Variants in ATP10D observed in about 807,000 individuals in gnomAD.
ATP10D encodes phospholipid-transporting ATPase VD.
In ATP10D, 89 loss-of-function variants were observed where a neutral mutation model predicts 144.8. The ratio of observed to expected loss-of-function variants is 0.61; its 90% CI spans 0.52 to 0.73. The LOEUF is 0.73. ATP10D is among the 30% of genes least tolerant of loss of function. ATP10D has a pLI of 0.00. For synonymous variants in ATP10D, 571 were observed against 615.1 expected, an observed-to-expected ratio of 0.93 and a Z score of 1.06; for missense variants, 1,603 against 1,714.8, an observed-to-expected ratio of 0.93 and a Z score of 1.15.
chr4:47,487,231 C>CAAAA lies in ATP10D; in HGVS notation c.-38+1728_-38+1731dup, dbSNP rs1478374325. Among the ~76,000 whole-genome samples, 596 of 128,366 alleles carry CAAAA rather than the reference C, an allele frequency of 4.6e-3. 11 individuals are homozygous for CAAAA. The highest frequency in any genetic ancestry group is 0.012 in the African/African-American group (411 of 34,442). The allele number at this position is 128,366 out of a possible 152,430, so 84.2% of individuals were successfully genotyped here. On this transcript the variant is annotated intron_variant, in intron 1 of 22. Transcript: ENST00000273859. ...GCAACAAGAGCAAAACTCCGTCCCC[C>CAAAA]AAAAAAAAAAAAAAAAAAATAGAAT... is the stretch of plus-strand genomic sequence containing the variant.
At chr4:47,580,089 A>C (rs146565132) in intron 19 of ATP10D, among the ~76,000 whole-genome samples, 2,483 of 152,308 alleles carry the variant, frequency 0.016, 46 homozygotes, top group Middle Eastern at 0.061. Context: ...AGAAGTTTTG[A>C]AACAGTACTT....
chr4:47,492,389 G>A (rs1441668783), intron 1 of ATP10D, among the ~76,000 whole-genome samples: 2 of 152,164 alleles, frequency 1.3e-5, no homozygotes, highest in African/African-American at 2.4e-5. Flanking sequence ...TAAATGTAGT[G>A]TGATGTGTAG....
rs113487041 is a variant in ATP10D, at chr4:47,546,882, T to C, written c.1635+20T>C. Reference sequence around the variant, plus strand: ...CCCATTGTAAGTATGAATGCATGACTAGAGTCTTGCACATCCACAATGTAT... The same window carrying C: ...CCCATTGTAAGTATGAATGCATGACCAGAGTCTTGCACATCCACAATGTAT... On this transcript the variant is annotated intron_variant, in intron 10 of 22. Coordinates refer to ENST00000273859, the MANE Select transcript of ATP10D (RefSeq NM_020453.4). The C allele has an allele frequency of 1.3e-6, 2 of 1,592,692 alleles. No homozygotes were observed. The highest frequency in any genetic ancestry group is 3.3e-5 in the Admixed American group (2 of 59,940).
At chr4:47,577,272 C>T (rs1720288023) in intron 19 of ATP10D, among the ~76,000 whole-genome samples, 1 of 152,128 alleles carries the variant, frequency 6.6e-6, no homozygotes, top group African/African-American at 2.4e-5. Flanking sequence ...CTTAACATCC[C>T]CCGTCTGATT....
chr4:47,590,691 C>T (rs1720986660), intron 22 of ATP10D, among the ~76,000 whole-genome samples: 1 of 152,054 alleles, frequency 6.6e-6, no homozygotes, highest in Admixed American at 6.6e-5. Context: ...ATTTTTAACA[C>T]CTACTATGTG....
At chr4:47,573,477 G>C (rs1720071387) in intron 18 of ATP10D, among the ~76,000 whole-genome samples, 1 of 152,196 alleles carries the variant, frequency 6.6e-6, no homozygotes, top group Non-Finnish European at 1.5e-5. Flanking sequence ...GTTGCTCACA[G>C]ATGCAAGAAT....
chr4:47,563,936 A>G (rs890864179), intron 15 of ATP10D, among the ~76,000 whole-genome samples, 171 bp downstream of exon 15: 1 of 152,116 alleles, frequency 6.6e-6, no homozygotes, highest in Admixed American at 6.6e-5. Flanking sequence ...TCTGTCACCC[A>G]GGCTGGAGTG....
At chr4:47,494,809 A>G (rs931122565) in intron 1 of ATP10D, among the ~76,000 whole-genome samples, 1 of 152,220 alleles carries the variant, frequency 6.6e-6, no homozygotes, top group Non-Finnish European at 1.5e-5. Context: ...CAAAAACTCT[A>G]TATGCCCTAC....
In ATP10D at chr4:47,592,613, C is replaced by T. The variant is rs895880402; in HGVS notation, c.*1232C>T. On this transcript the variant is annotated 3_prime_UTR_variant, in exon 23 of 23. Coordinates refer to ENST00000273859, the MANE Select transcript of ATP10D (RefSeq NM_020453.4). ...ATTATATTTGAAAGTTGTCAGCCAC[C>T]AGTCATCCAGAATTTCCTTCCTGAA... is the stretch of plus-strand genomic sequence containing the variant. 1.3e-5 allele frequency: 2 copies of T among 152,470 alleles called. No individual in the cohort carries two copies. The highest frequency in any genetic ancestry group is 4.8e-5 in the African/African-American group (2 of 41,404). The allele number at this position is 152,470 out of a possible 1,614,324, so 9.4% of individuals were successfully genotyped here.
At chr4:47,513,579 A>T (rs1192393742) in intron 2 of ATP10D, among the ~76,000 whole-genome samples, 3 of 152,200 alleles carry the variant, frequency 2.0e-5, no homozygotes. Flanking sequence ...TGAGCAAAGC[A>T]TATTTCAGAT....
intron 1 of ATP10D, among the ~76,000 whole-genome samples, chr4:47,501,776 TA>T (rs776939788): frequency 6.6e-6 from 1 of 152,242 alleles, no homozygotes. Flanking sequence ...AATGCATTTT[TA>T]TCCTTTGCAT....
intron 1 of ATP10D, among the ~76,000 whole-genome samples, chr4:47,497,947 T>G (rs1297974090): frequency 6.6e-6 from 1 of 152,238 alleles, no homozygotes; most frequent in Non-Finnish European, 1.5e-5. Context: ...TTTCCTACTT[T>G]GAAGAAATGT....
intron 2 of ATP10D, among the ~76,000 whole-genome samples, chr4:47,513,262 G>A (rs1451190904): frequency 6.6e-6 from 1 of 152,154 alleles, no homozygotes; most frequent in Non-Finnish European, 1.5e-5. Flanking sequence ...AGATGTTTAG[G>A]TGAAACAGTG....
chr4:47,579,207 T>A (rs748441451), intron 19 of ATP10D, among the ~76,000 whole-genome samples: 16 of 152,242 alleles, frequency 1.1e-4, no homozygotes, highest in Non-Finnish European at 1.9e-4. Context: ...CTATTGTCTC[T>A]TACTCTTTCT....
chr4:47,528,768 C>A (rs1717407534), intron 5 of ATP10D, among the ~76,000 whole-genome samples: 1 of 152,124 alleles, frequency 6.6e-6, no homozygotes. Flanking sequence ...TTTACATACA[C>A]ACCAACAGTG....
chr4:47,551,170 G>A (rs182465023), intron 10 of ATP10D, among the ~76,000 whole-genome samples: 17 of 152,300 alleles, frequency 1.1e-4, no homozygotes, highest in South Asian at 2.1e-4. Flanking sequence ...GTGTTTAAAG[G>A]TGGAAGCAGT....
intron 11 of ATP10D, among the ~76,000 whole-genome samples, chr4:47,555,578 G>A (rs974561814): frequency 6.6e-6 from 1 of 152,042 alleles, no homozygotes; most frequent in South Asian, 2.1e-4. Context: ...ATACAGCTCG[G>A]TGCTACTATA....
chr4:47,499,903 G>A (rs1218179063), intron 1 of ATP10D, among the ~76,000 whole-genome samples: 1 of 152,006 alleles, frequency 6.6e-6, no homozygotes, highest in East Asian at 1.9e-4. Flanking sequence ...GCAGAGTTTC[G>A]TTAGTGTCCA....
In ATP10D at chr4:47,513,164, T is replaced by A. The variant is rs567211268; in HGVS notation, c.290+334T>A. On this transcript the variant is annotated intron_variant, in intron 2 of 22. Coordinates refer to ENST00000273859, the MANE Select transcript of ATP10D (RefSeq NM_020453.4). ...GGTCTTCTTACTCTTGCTTTAGTGT[T>A]CTTTCCATGAAACCACGCGCATTTT... Among the ~76,000 whole-genome samples, 10 of 152,324 alleles carry A rather than the reference T, an allele frequency of 6.6e-5. No homozygotes were observed. The South Asian group carries it at 2.1e-3, about 32-fold the overall frequency.
Sources: gnomAD v4.1 joint callset for allele counts (sites outside exome capture counted in the v4.1 genomes callset) on GRCh38, gnomAD v4.1.1 for gene constraint, MANE v1.5 for transcripts, NCBI Gene and HGNC (gene_info 2026-07-23, HGNC 2026-07-21) for gene names.